Variants in UNC79 observed in about 807,000 individuals in gnomAD.
UNC79 encodes the protein unc-79 subunit of NALCN channel complex, also known as protein unc-79 homolog.
A neutral mutation model predicts 283.1 loss-of-function variants in UNC79; 37 were observed. The observed-to-expected ratio is 0.13, with a 90% CI of 0.10 to 0.17. UNC79 has a LOEUF of 0.17. Ranked by LOEUF, UNC79 falls within the 10% of genes least tolerant of loss-of-function variation. UNC79 has a pLI of 1.00. For missense variants in UNC79, 2,272 were observed against 3,211.1 expected (o/e 0.71, Z 7.07); for synonymous variants, 1,107 against 1,200.2 (o/e 0.92, Z 1.61).
chr14:93,606,271 A>G (rs766848637), intron 26 of UNC79, among the ~76,000 whole-genome samples: 7 of 152,220 alleles, frequency 4.6e-5, no homozygotes, highest in African/African-American at 4.8e-5. Flanking sequence ...TATTCCACCA[A>G]AAGTGGCCAG....
chr14:93,370,678 A>G (rs2054425268), intron 1 of UNC79, among the ~76,000 whole-genome samples: 1 of 152,218 alleles, frequency 6.6e-6, no homozygotes, highest in Non-Finnish European at 1.5e-5. Flanking sequence ...AGGCTGAGGC[A>G]GGAGAATCAC....
rs374476438 is a variant in UNC79, at chr14:93,572,840, A to G, written c.2070+24A>G. ...ATGTAAGTGAATAATACTTTCGATCATTTTAGGAAATAGTTCTTAGCTTAT... is the reference window on the plus strand; with the variant it reads ...ATGTAAGTGAATAATACTTTCGATCGTTTTAGGAAATAGTTCTTAGCTTAT... On this transcript the variant is annotated intron_variant, in intron 16 of 48. Coordinates refer to ENST00000555664, the Ensembl canonical transcript of UNC79. The G allele has an allele frequency of 1.1e-5, 18 of 1,610,994 alleles. No homozygotes were observed. In the African/African-American group the frequency reaches 1.2e-4, roughly 11 times the overall value.
At chr14:93,614,224 T>G (rs1344392520) in intron 27 of UNC79, among the ~76,000 whole-genome samples, 2 of 152,114 alleles carry the variant, frequency 1.3e-5, no homozygotes, top group Non-Finnish European at 2.9e-5. Flanking sequence ...CAGAACTTTT[T>G]TATCATCCTA....
chr14:93,473,927 C>T (rs1319318615), intron 2 of UNC79, among the ~76,000 whole-genome samples, 162 bp from the exon 3 acceptor site: 1 of 152,182 alleles, frequency 6.6e-6, no homozygotes, highest in Non-Finnish European at 1.5e-5. Flanking sequence ...GAGCACGAAG[C>T]TATGTGACCA....
intron 9 of UNC79, 115 bp downstream of exon 9, chr14:93,528,761 T>G (rs1175194195): frequency 1.0e-6 from 1 of 983,646 alleles, no homozygotes; most frequent in African/African-American, 1.6e-5. Flanking sequence ...CTCTCTGATT[T>G]TTAAAGGTTA....
At chr14:93,687,892 A>G (rs2074374342) in intron 43 of UNC79, among the ~76,000 whole-genome samples, 1 of 152,188 alleles carries the variant, frequency 6.6e-6, no homozygotes, top group South Asian at 2.1e-4. Context: ...TTGGAAATAC[A>G]GACATAATCT....
rs1373821152 is a variant in UNC79 at position 93,395,138 on chromosome 14, C to T, written c.-351+61615C>T. Among the ~76,000 whole-genome samples the T allele has an allele frequency of 2.0e-5, 3 of 152,218 alleles. No individual in the cohort carries two copies. In the East Asian group the frequency reaches 5.8e-4, roughly 29 times the overall value. ...TTTCTCCTTGTCGATTTCAGTTACT[C>T]TCTAGGGTTCTTTTATTTAATTCTG... is the stretch of plus-strand genomic sequence containing the variant. On this transcript the variant is annotated intron_variant, in intron 1 of 49. Transcript: ENST00000256339.
At chr14:93,410,924 T>C (rs2055322395) in intron 1 of UNC79, among the ~76,000 whole-genome samples, 1 of 151,350 alleles carries the variant, frequency 6.6e-6, no homozygotes, top group Non-Finnish European at 1.5e-5. Flanking sequence ...TTGAGGAAAG[T>C]GGAGGAAAAA....
intron 31 of UNC79, 69 bp from the exon 34 acceptor site, chr14:93,634,452 G>A (rs938568992): frequency 6.3e-6 from 7 of 1,119,922 alleles, no homozygotes; most frequent in Non-Finnish European, 9.4e-6. Context: ...AATTCTATAT[G>A]GATGTGTGGA....
At chr14:93,415,461 G>A (rs1299588249) in intron 1 of UNC79, among the ~76,000 whole-genome samples, 1 of 152,164 alleles carries the variant, frequency 6.6e-6, no homozygotes, top group Non-Finnish European at 1.5e-5. Context: ...TGTTCATCAA[G>A]GATATTGGTC....
In UNC79 at chr14:93,643,439, T is replaced by A. The variant is rs1167892730; in HGVS notation, c.5904-118T>A. 6.3e-6 allele frequency: 9 copies of A among 1,434,344 alleles called. No homozygotes were observed. The East Asian group carries it at 2.1e-4, about 33-fold the overall frequency. 88.9% of individuals were successfully genotyped at this position (1,434,344 alleles called of 1,614,324 possible). On this transcript the variant is annotated intron_variant, in intron 33 of 48. Transcript: ENST00000555664. ...CTACTGATTACCAGAGTGGGGCTCC[T>A]GATCTCCTTTTGGAGACTTTTCCAA...
chr14:93,520,403 T>G (rs2060268121), intron 7 of UNC79, among the ~76,000 whole-genome samples: 1 of 151,914 alleles, frequency 6.6e-6, no homozygotes, highest in Admixed American at 6.6e-5. Context: ...GCTTTTATCT[T>G]GCCTAGGATT....
exon 12 of UNC79, chr14:93,538,148 T>G (rs754762712): frequency 6.2e-7 from 1 of 1,613,922 alleles, no homozygotes. Context: ...CTATCAGACC[T>G]CTCCTCCGCC....
intron 1 of UNC79, among the ~76,000 whole-genome samples, chr14:93,356,727 T>TA (rs199672702): frequency 6.6e-6 from 1 of 152,246 alleles, no homozygotes; most frequent in African/African-American, 2.4e-5. Context: ...TTGAAATATT[T>TA]AAAAAATTTT....
intron 14 of UNC79, among the ~76,000 whole-genome samples, chr14:93,564,651 C>T (rs541231260): frequency 2.8e-4 from 43 of 152,144 alleles, no homozygotes; most frequent in African/African-American, 9.9e-4. Context: ...TGGGTGCAGG[C>T]GGGCTGAGTC....
intron 23 of UNC79, among the ~76,000 whole-genome samples, chr14:93,597,025 G>A (rs1566738738): frequency 6.6e-6 from 1 of 152,168 alleles, no homozygotes; most frequent in African/African-American, 2.4e-5. Context: ...AAGAAGCATA[G>A]AGGCATTTGG....
intron 1 of UNC79, among the ~76,000 whole-genome samples, chr14:93,432,213 C>G (rs2055908650): frequency 1.3e-5 from 2 of 152,164 alleles, no homozygotes; most frequent in South Asian, 4.1e-4. Context: ...CATTTATTCA[C>G]CAGATAAATT....
exon 26 of UNC79, chr14:93,603,296 T>C: frequency 6.2e-7 from 1 of 1,614,118 alleles, no homozygotes; most frequent in East Asian, 2.2e-5. Flanking sequence ...TTATGGAAGA[T>C]CAAGAGAGCT....
At chr14:93,568,864 G>T (rs2063056659) in intron 14 of UNC79, among the ~76,000 whole-genome samples, 1 of 152,152 alleles carries the variant, frequency 6.6e-6, no homozygotes, top group African/African-American at 2.4e-5. Flanking sequence ...AAACCTTTAA[G>T]ATCTTTTTAG....
Sources: gnomAD v4.1 joint callset for allele counts (sites outside exome capture counted in the v4.1 genomes callset) on GRCh38, gnomAD v4.1.1 for gene constraint, MANE v1.5 for transcripts, NCBI Gene and HGNC (gene_info 2026-07-23, HGNC 2026-07-21) for gene names.